MYO9A: variants seen among roughly 807,000 people sequenced by gnomAD.
MYO9A encodes the protein myosin IXA.
A neutral mutation model predicts 293.3 loss-of-function variants in MYO9A; 103 were observed. That is an observed-to-expected ratio of 0.35 (90% CI 0.30 to 0.41). MYO9A has a LOEUF of 0.41. Ranked by LOEUF, MYO9A falls within the 10% of genes least tolerant of loss-of-function variation. The pLI is 1.00. For missense variants in MYO9A, 2,685 were observed against 3,033.0 expected (o/e 0.89, Z 2.69); for synonymous variants, 1,001 against 1,035.7 (o/e 0.97, Z 0.64).
At chr15:71,946,506 G>A (rs946829451) in intron 15 of MYO9A, among the ~76,000 whole-genome samples, 1 of 152,108 alleles carries the variant, frequency 6.6e-6, no homozygotes, top group African/African-American at 2.4e-5. Flanking sequence ...TTTGATTTCT[G>A]TAGCATATAT....
rs577639978 is a variant in MYO9A at position 71,958,811 on chromosome 15, T to C, written c.2182+1090A>G. 9 of 152,334 alleles carry C rather than the reference T, an allele frequency of 5.9e-5. No individual in the cohort carries two copies. The East Asian group carries it at 9.6e-4, about 16-fold the overall frequency. The allele number at this position is 152,334 out of a possible 1,614,324, so 9.4% of individuals were successfully genotyped here. A position where few individuals can be genotyped will look rare whatever the true frequency, so the allele number is the denominator to read the frequency against. On this transcript the variant is annotated intron_variant, in intron 14 of 41. Coordinates refer to ENST00000356056, the MANE Select transcript of MYO9A (RefSeq NM_006901.4). ...TACAGGTTGTTTATCATTAATAACA[T>C]TGCATGTCATTGCCGATATTGATAA...
intron 1 of MYO9A, among the ~76,000 whole-genome samples, chr15:72,078,901 T>A (rs1380974743): frequency 1.3e-5 from 2 of 152,168 alleles, no homozygotes; most frequent in African/African-American, 4.8e-5. Flanking sequence ...TCCAACTACA[T>A]GACATTCTGG....
Position 72,117,910 on chromosome 15 carries a change from C to T in MYO9A, c.-302G>A. 1 of 398,592 alleles carries T rather than the reference C, an allele frequency of 2.5e-6. No homozygotes were observed. Among genetic ancestry groups the T allele is most frequent in the Non-Finnish European group, 4.4e-6 (1 of 225,992 alleles). The allele number at this position is 398,592 out of a possible 1,614,324, so 24.7% of individuals were successfully genotyped here. On this transcript the variant is annotated 5_prime_UTR_variant, in exon 1 of 42. Transcript: ENST00000356056. ...CGGCCTGAGCAGGCACATCCCCCGCCGCACCCCGCCCAGAGAGCACGCGTT... is the reference window on the plus strand; with the variant it reads ...CGGCCTGAGCAGGCACATCCCCCGCTGCACCCCGCCCAGAGAGCACGCGTT...
At chr15:72,075,936 G>C (rs1262725519) in intron 1 of MYO9A, among the ~76,000 whole-genome samples, 1 of 152,282 alleles carries the variant, frequency 6.6e-6, no homozygotes, top group Non-Finnish European at 1.5e-5. Context: ...GTTCAACACT[G>C]TACCAGTGGT....
chr15:71,971,929 ATC>A (rs763237759), intron 12 of MYO9A, among the ~76,000 whole-genome samples: 5 of 152,040 alleles, frequency 3.3e-5, no homozygotes, highest in Admixed American at 6.6e-5. Flanking sequence ...AGGAAACAGA[ATC>A]TCTCTCTCTA....
intron 19 of MYO9A, among the ~76,000 whole-genome samples, chr15:71,912,069 C>T (rs181662144): frequency 9.5e-4 from 145 of 152,110 alleles, no homozygotes; most frequent in African/African-American, 3.3e-3. Context: ...AGGATTTGCA[C>T]CTTTTATCAC....
At chr15:71,964,356 C>T (rs1431325013) in intron 13 of MYO9A, among the ~76,000 whole-genome samples, 6 of 151,980 alleles carry the variant, frequency 3.9e-5, no homozygotes, top group African/African-American at 1.4e-4. Context: ...GCTTAGAGAA[C>T]CACTTTTCAA....
intron 1 of MYO9A, among the ~76,000 whole-genome samples, chr15:72,083,669 G>C (rs535851152): frequency 6.6e-6 from 1 of 152,250 alleles, no homozygotes; most frequent in African/African-American, 2.4e-5. Flanking sequence ...TCTTTACACT[G>C]CATTAGCTGT....
rs898605695 is a variant in MYO9A, at chr15:72,024,911, A to G, written c.998+2820T>C. The stretch of plus-strand genomic sequence containing the variant: ...CAAAAGAAGGCAGGAATAGAAGAAC[A>G]GAAGAACAAAAAAAAATCGTAACAC... On this transcript the variant is annotated intron_variant, in intron 4 of 41. Transcript: ENST00000356056. Among the ~76,000 whole-genome samples, 3 of 152,214 alleles carry G rather than the reference A, an allele frequency of 2.0e-5. No homozygotes were observed. The South Asian group carries it at 6.2e-4, about 31-fold the overall frequency.
intron 18 of MYO9A, among the ~76,000 whole-genome samples, chr15:71,926,045 A>G (rs1296261007): frequency 6.6e-6 from 1 of 152,156 alleles, no homozygotes; most frequent in African/African-American, 2.4e-5. Context: ...TTTTCTGTAG[A>G]TGGATCCTAA....
intron 13 of MYO9A, among the ~76,000 whole-genome samples, chr15:71,965,494 C>T (rs766550503): frequency 6.6e-6 from 1 of 152,126 alleles, no homozygotes; most frequent in Non-Finnish European, 1.5e-5. Context: ...GCCTGTAATC[C>T]TAGCACTTTG....
At chr15:71,843,807 A>G (rs1272004205) in intron 39 of MYO9A, among the ~76,000 whole-genome samples, 2 of 152,154 alleles carry the variant, frequency 1.3e-5, no homozygotes, top group Admixed American at 6.5e-5. Context: ...CTTGAAGACG[A>G]CCCAGGAGGA....
intron 11 of MYO9A, among the ~76,000 whole-genome samples, chr15:71,981,230 C>T (rs1414212393): frequency 6.6e-6 from 1 of 152,136 alleles, no homozygotes; most frequent in African/African-American, 2.4e-5. Flanking sequence ...ATGAGTGAAA[C>T]TGACCTATAA....
chr15:71,861,422 G>A (rs2056117426), intron 33 of MYO9A, among the ~76,000 whole-genome samples: 2 of 148,928 alleles, frequency 1.3e-5, no homozygotes, highest in Admixed American at 6.7e-5. Context: ...CTCTACTCAC[G>A]TTTTAGGATT....
intron 2 of MYO9A, among the ~76,000 whole-genome samples, chr15:72,042,970 T>C (rs1040472162): frequency 1.3e-5 from 2 of 151,590 alleles, no homozygotes; most frequent in African/African-American, 4.8e-5. Flanking sequence ...CTCAGGAGGC[T>C]AACGTGAGAG....
chr15:71,840,099 A>T (rs2055090514), intron 39 of MYO9A, among the ~76,000 whole-genome samples: 1 of 152,256 alleles, frequency 6.6e-6, no homozygotes, highest in South Asian at 2.1e-4. Context: ...CATCTGGAGA[A>T]GTAATTTATA....
intron 14 of MYO9A, among the ~76,000 whole-genome samples, chr15:71,958,011 T>C (rs1039910232): frequency 1.3e-5 from 2 of 152,298 alleles, no homozygotes; most frequent in East Asian, 1.9e-4. Flanking sequence ...AGGGTGTTTC[T>C]TGACAATTAA....
intron 26 of MYO9A, 32 bp downstream of exon 26, chr15:71,893,647 A>G (rs760085376): frequency 1.2e-5 from 18 of 1,519,428 alleles, no homozygotes; most frequent in Non-Finnish European, 1.5e-5. Context: ...TCTTTTGTAT[A>G]GAAGATAGAT....
At chr15:72,052,754 C>T (rs1023641666) in intron 1 of MYO9A, among the ~76,000 whole-genome samples, 3 of 152,178 alleles carry the variant, frequency 2.0e-5, no homozygotes, top group Non-Finnish European at 2.9e-5. Flanking sequence ...TGCCAGCACC[C>T]GGAGCTGCCT....
Sources: allele counts gnomAD v4.1 joint callset (sites outside exome capture counted in the v4.1 genomes callset), GRCh38; gene constraint gnomAD v4.1.1; transcripts MANE v1.5; gene names NCBI Gene and HGNC (gene_info 2026-07-23, HGNC 2026-07-21).